The following TCF7L2 variants were observed in gnomAD, a reference collection of about 807,000 sequenced individuals.
TCF7L2 encodes transcription factor 7-like 2.
Under a neutral mutation model 77.9 loss-of-function variants are expected in TCF7L2, and 23 were observed. That is an observed-to-expected ratio of 0.30 (90% CI 0.21 to 0.42). The LOEUF (loss-of-function observed/expected upper bound fraction) is 0.42. Among genes scored for constraint, TCF7L2 ranks in the 10% least tolerant of loss-of-function variants. The pLI, the probability that TCF7L2 is intolerant of heterozygous loss-of-function variation, is 1.00. For missense variants in TCF7L2, 654 were observed against 793.1 expected (o/e 0.82, Z 2.11); for synonymous variants, 413 against 340.2 (o/e 1.21, Z -2.36).
In TCF7L2 at chr10:113,017,187, T is replaced by G. The variant is rs144298570; in HGVS notation, c.451-22838T>G. 9.2e-3 allele frequency among the ~76,000 whole-genome samples: 1,400 copies of G among 152,302 alleles called. 16 individuals are homozygous for G. Among genetic ancestry groups the G allele is most frequent in the African/African-American group, 0.032 (1,327 of 41,572 alleles). On this transcript the variant is annotated intron_variant, in intron 4 of 13. Coordinates refer to ENST00000627217, the MANE Select transcript of TCF7L2 (RefSeq NM_001146274.2). The stretch of plus-strand genomic sequence containing the variant: ...CCAGAATGATTTCTTATAGTGACCC[T>G]GTGTTTAGTTGGTAAGACTTTCTTA...
intron 5 of TCF7L2, among the ~76,000 whole-genome samples, chr10:113,106,015 A>T (rs1485423783): frequency 3.9e-5 from 6 of 152,336 alleles, no homozygotes; most frequent in African/African-American, 1.4e-4. Flanking sequence ...AGATAGCAGT[A>T]AGTGGAATGT....
intron 4 of TCF7L2, among the ~76,000 whole-genome samples, chr10:112,990,477 T>C (rs61875118): frequency 0.18 from 26,830 of 151,858 alleles, 2,850 homozygotes; most frequent in Middle Eastern, 0.33. Flanking sequence ...GAGGCTGAGG[T>C]GGGTGGATCG....
chr10:112,971,574 T>A (rs988012008), intron 4 of TCF7L2, among the ~76,000 whole-genome samples: 1 of 151,704 alleles, frequency 6.6e-6, no homozygotes, highest in Non-Finnish European at 1.5e-5. Flanking sequence ...CCTCCCAAAG[T>A]GCTGGGATTA....
chr10:113,149,974 CAAAATTGA>C lies in TCF7L2; in HGVS notation c.876-1020_876-1013del, dbSNP rs2070391068. Among the ~76,000 whole-genome samples, 3 of 152,262 alleles carry C rather than the reference CAAAATTGA, an allele frequency of 2.0e-5. No homozygotes were observed. In the South Asian group the frequency reaches 6.2e-4, roughly 32 times the overall value. On this transcript the variant is annotated intron_variant, in intron 8 of 13. Transcript: ENST00000627217. Reference sequence around the variant, plus strand: ...CAGTACAAATCATGGTGACACCACGCAAAATTGAAAATGAGAAAGGTGTTTGATCCAGT... The same window carrying C: ...CAGTACAAATCATGGTGACACCACGCAAATGAGAAAGGTGTTTGATCCAGT...
chr10:113,029,342 C>T (rs1427501548), intron 4 of TCF7L2, among the ~76,000 whole-genome samples: 1 of 152,076 alleles, frequency 6.6e-6, no homozygotes, highest in Admixed American at 6.5e-5. Flanking sequence ...TTGGAGTTCC[C>T]ATGCCTTTGT....
At chr10:113,113,964 G>A (rs189583454) in intron 5 of TCF7L2, among the ~76,000 whole-genome samples, 5 of 152,256 alleles carry the variant, frequency 3.3e-5, no homozygotes, top group East Asian at 3.9e-4. Context: ...GATGGGTTTC[G>A]TTGGACTATC....
rs562217851 is a variant in TCF7L2, at chr10:113,102,549, C to T, written c.553-38635C>T. Among the ~76,000 whole-genome samples the T allele has an allele frequency of 5.3e-5, 8 of 151,672 alleles. No individual in the cohort carries two copies. The South Asian group carries it at 6.2e-4, about 12-fold the overall frequency. On this transcript the variant is annotated intron_variant, in intron 5 of 13. Transcript: ENST00000627217. ...AAGTGATTCTCCTGCCTCAGCCTCC[C>T]GAGTAGCTAGGATTACACGTGCCCA...
At chr10:113,023,474 T>C (rs961398510) in intron 4 of TCF7L2, among the ~76,000 whole-genome samples, 4 of 152,064 alleles carry the variant, frequency 2.6e-5, no homozygotes, top group Non-Finnish European at 4.4e-5. Flanking sequence ...ACTGTTTCTT[T>C]TTCTTTTTAT....
intron 5 of TCF7L2, 66 bp downstream of exon 5, chr10:113,040,192 AT>A: frequency 7.3e-7 from 1 of 1,365,566 alleles, no homozygotes; most frequent in East Asian, 2.3e-5. Flanking sequence ...TGCTTTTTTG[AT>A]GATAACAGGC....
At chr10:113,041,931 T>C (rs1220424674) in intron 5 of TCF7L2, among the ~76,000 whole-genome samples, 2 of 152,166 alleles carry the variant, frequency 1.3e-5, no homozygotes, top group African/African-American at 2.4e-5. Flanking sequence ...CGTTGTTCTC[T>C]CTCTTTGAGT....
intron 12 of TCF7L2, 30 bp downstream of exon 13, chr10:113,158,747 A>C: frequency 6.2e-7 from 1 of 1,604,528 alleles, no homozygotes; most frequent in Non-Finnish European, 8.5e-7. Flanking sequence ...TCATTAAAAT[A>C]GTTGATAAAC....
At chr10:113,152,768 T>C (rs574962052) in intron 11 of TCF7L2, among the ~76,000 whole-genome samples, 1 of 152,272 alleles carries the variant, frequency 6.6e-6, no homozygotes, top group East Asian at 1.9e-4. Context: ...CAAAGGACCT[T>C]ATGTTCCGGA....
At chr10:112,974,298 T>C (rs2038923339) in intron 4 of TCF7L2, among the ~76,000 whole-genome samples, 1 of 152,166 alleles carries the variant, frequency 6.6e-6, no homozygotes, top group Admixed American at 6.5e-5. Flanking sequence ...CTGGTGAGGA[T>C]ACCAAGACAA....
intron 4 of TCF7L2, among the ~76,000 whole-genome samples, chr10:113,019,026 C>T (rs972897348): frequency 5.9e-5 from 9 of 152,108 alleles, no homozygotes; most frequent in African/African-American, 1.4e-4. Context: ...GGGAGGGTCC[C>T]GGGCCAATGG....
intron 1 of TCF7L2, 67 bp from the exon 2 acceptor site, chr10:112,951,140 C>A: frequency 7.8e-7 from 1 of 1,281,656 alleles, no homozygotes; most frequent in East Asian, 2.7e-5. Context: ...GATTCTTTTT[C>A]TCCCCCTTCT....
intron 5 of TCF7L2, among the ~76,000 whole-genome samples, chr10:113,114,129 T>A: frequency 6.6e-6 from 1 of 152,206 alleles, no homozygotes; most frequent in East Asian, 1.9e-4. Flanking sequence ...CCAGCTGAGC[T>A]CTCTTGGTTA....
At chr10:113,035,930 G>T (rs1293572809) in intron 4 of TCF7L2, among the ~76,000 whole-genome samples, 2 of 152,168 alleles carry the variant, frequency 1.3e-5, no homozygotes, top group Admixed American at 6.5e-5. Context: ...TTGCTGTCTG[G>T]CACTTTGCAG....
chr10:112,953,806 A>G (rs915795275), intron 3 of TCF7L2, among the ~76,000 whole-genome samples: 2 of 152,214 alleles, frequency 1.3e-5, no homozygotes, highest in Non-Finnish European at 1.5e-5. Context: ...GACGGCGTCT[A>G]GTTATTTTAA....
At position 112,952,116 on chromosome 10, in the gene TCF7L2, C is replaced by G. The variant is rs954476383; in HGVS notation, c.381+509C>G. Among the ~76,000 whole-genome samples, 6 of 152,174 alleles carry G rather than the reference C, an allele frequency of 3.9e-5. No individual in the cohort carries two copies. In the East Asian group the frequency reaches 9.7e-4, roughly 25 times the overall value. On this transcript the variant is annotated intron_variant, in intron 3 of 13. Transcript: ENST00000627217. ...CACGAGTGACTGACTGTGCTGCGCC[C>G]GATGCGCGGGGTAGAGAGTGGGTTT... is the stretch of plus-strand genomic sequence containing the variant.
Sources: gnomAD v4.1 joint callset for allele counts (sites outside exome capture counted in the v4.1 genomes callset) on GRCh38, gnomAD v4.1.1 for gene constraint, MANE v1.5 for transcripts, NCBI Gene and HGNC (gene_info 2026-07-23, HGNC 2026-07-21) for gene names.